The following HERC2 variants were observed in gnomAD, a reference collection of about 807,000 sequenced individuals.
HERC2 encodes the protein HECT and RLD domain containing E3 ubiquitin protein ligase 2.
In HERC2, 102 loss-of-function variants were observed where a neutral mutation model predicts 537.7. That is an observed-to-expected ratio of 0.19 (90% CI 0.16 to 0.22). The LOEUF is 0.22. Ranked by LOEUF, HERC2 falls within the 10% of genes least tolerant of loss-of-function variation. The pLI, the probability that HERC2 is intolerant of heterozygous loss-of-function variation, is 1.00. For missense variants in HERC2, 4,236 were observed against 6,198.2 expected (o/e 0.68, Z 10.63); for synonymous variants, 2,224 against 2,466.2 (o/e 0.90, Z 2.91).
At chr15:28,143,049 T>A in intron 74 of HERC2, 97 bp from the exon 75 acceptor site, 1 of 1,119,086 alleles carries the variant, frequency 8.9e-7, no homozygotes, top group Non-Finnish European at 1.2e-6. Context: ...ATGTTGGTAC[T>A]AACTCTTCTA....
At chr15:28,214,857 T>A in intron 39 of HERC2, 55 bp from the exon 40 acceptor site, 1 of 1,365,864 alleles carries the variant, frequency 7.3e-7, no homozygotes, top group Non-Finnish European at 1.0e-6. Flanking sequence ...ATGAGGAAAC[T>A]ACAGATTGTT....
At chr15:28,259,807 A>G (rs1270135534) in intron 16 of HERC2, among the ~76,000 whole-genome samples, 1 of 151,466 alleles carries the variant, frequency 6.6e-6, no homozygotes, top group East Asian at 2.0e-4. Context: ...AGAAAAAAAA[A>G]AAATACAAAA....
At chr15:28,306,850 T>C in intron 2 of HERC2, among the ~76,000 whole-genome samples, 1 of 152,210 alleles carries the variant, frequency 6.6e-6, no homozygotes, top group Non-Finnish European at 1.5e-5. Flanking sequence ...CCTTCTTTTT[T>C]TGAAGACACA....
intron 52 of HERC2, among the ~76,000 whole-genome samples, chr15:28,192,906 A>C (rs1357961478): frequency 6.6e-6 from 1 of 151,146 alleles, no homozygotes; most frequent in South Asian, 2.2e-4. Context: ...GTCAGAGTGA[A>C]CTATGAAGGG....
rs184647895 is a variant in HERC2 at position 28,192,083 on chromosome 15, T to C, written c.8329A>G (p.Met2777Val). Residue 2777 changes from methionine (M) to valine (V), a missense_variant, in exon 53 of 93, where the codon ATG becomes GTG. Physicochemically the swap from Met to Val is conservative, Grantham distance 21 (BLOSUM62 1). Around this residue, in one of 27 missense-constraint regions of HERC2, gnomAD observed 606 missense variants for 884.5 expected, o/e 0.69. Transcript: ENST00000261609. ...LKRCHSSQPG[M>V]LLDSWSRMVK... ...ATGCGGGACCAGCTGTCCAGCAGCA[T>C]GCCTGGCTGGCTGCTGTGGCAACGC... The C allele has an allele frequency of 1.1e-4, 175 of 1,613,974 alleles. 3 individuals carry two copies. The East Asian group carries it at 1.9e-3, about 17-fold the overall frequency.
intron 4 of HERC2, among the ~76,000 whole-genome samples, chr15:28,285,348 C>T (rs2076128008): frequency 6.6e-6 from 1 of 152,084 alleles, no homozygotes; most frequent in African/African-American, 2.4e-5. Context: ...AGCATATGTT[C>T]CCTCAAACAA....
chr15:28,268,998 C>A lies in HERC2; in HGVS notation c.1446+250G>T, dbSNP rs183832553. On this transcript the variant is annotated intron_variant, in intron 11 of 92. Transcript: ENST00000261609. The surrounding 1 kb of genome is among the most constrained non-coding windows in gnomAD (Gnocchi z 4.7). ...CTGGCCCCAACGTCAAATGAGTTTA[C>A]ACGTGGAAATGAGTTTACAAACGGG... Among the ~76,000 whole-genome samples the A allele has an allele frequency of 2.2e-3, 338 of 152,338 alleles. 2 individuals are homozygous for A. The highest frequency in any genetic ancestry group is 1.6e-3 in the Non-Finnish European group (108 of 68,034).
In HERC2 at chr15:28,113,089, G is replaced by A. The variant is rs771266660; in HGVS notation, c.14214C>T (p.Gly4738=). The change falls in exon 92 of 93, where the codon GGC becomes GGT. Residue 4738 remains glycine (G), a synonymous_variant. Transcript: ENST00000261609. This position sits in a 1 kb window ranked among gnomAD's most constrained non-coding sequence, Gnocchi z 7.0. ...RLPRTIADFR[G]RDFVIQVLDK... ...AGCCTACCTGGATGACGAAGTCTCG[G>A]CCCCGGAAGTCGGCGATGGTCCTGG... is the stretch of plus-strand genomic sequence containing the variant. 1 of 1,613,400 alleles carries A rather than the reference G, an allele frequency of 6.2e-7. No homozygotes were observed.
intron 56 of HERC2, among the ~76,000 whole-genome samples, chr15:28,183,579 A>T (rs940840553): frequency 6.6e-6 from 1 of 152,172 alleles, no homozygotes; most frequent in African/African-American, 2.4e-5. Flanking sequence ...AGTACACAGG[A>T]CAGTGTTAGA....
intron 86 of HERC2, chr15:28,118,515 A>G (rs1888528201): frequency 6.6e-6 from 1 of 152,258 alleles, no homozygotes; most frequent in African/African-American, 2.4e-5. Flanking sequence ...TAAGTATAAA[A>G]AAGTTTTTAT....
chr15:28,175,182 TC>T (rs1189664566), intron 64 of HERC2, among the ~76,000 whole-genome samples: 5 of 151,896 alleles, frequency 3.3e-5, no homozygotes, highest in Admixed American at 2.6e-4. Context: ...GGATCCCTCC[TC>T]GCCAGTTACC....
chr15:28,245,604 C>G (rs564594214), intron 23 of HERC2, among the ~76,000 whole-genome samples: 27 of 131,086 alleles, frequency 2.1e-4, no homozygotes, highest in Middle Eastern at 7.4e-3. Context: ...CACACACACA[C>G]AGATATATAT....
At chr15:28,199,329 T>G (rs1897670842) in intron 48 of HERC2, among the ~76,000 whole-genome samples, 1 of 152,102 alleles carries the variant, frequency 6.6e-6, no homozygotes, top group Non-Finnish European at 1.5e-5. Context: ...CTGGGTTCAC[T>G]CAAAAGGATT....
intron 35 of HERC2, among the ~76,000 whole-genome samples, chr15:28,227,472 A>G (rs1901323463): frequency 6.6e-6 from 1 of 151,852 alleles, no homozygotes; most frequent in Non-Finnish European, 1.5e-5. Flanking sequence ...AAAAAAGAAA[A>G]AAAAAAAAAA....
chr15:28,290,529 T>C (rs1635167), intron 4 of HERC2, among the ~76,000 whole-genome samples: 148,095 of 152,292 alleles, frequency 0.97, 72,095 homozygotes, highest in Non-Finnish European at 0.99. Flanking sequence ...CACACACAGC[T>C]ACATTCTTAT....
Position 28,229,666 on chromosome 15 carries a change from A to C in HERC2, c.4983+8T>G. ...CAATGCAGAGAAGCATTTCTCATCA[A>C]ATGTTACCTGTTTTAGTAGGCACTT... On this transcript the variant is annotated splice_region_variant and intron_variant, in intron 32 of 92. Coordinates refer to ENST00000261609, the MANE Select transcript of HERC2 (RefSeq NM_004667.6). 6.2e-7 allele frequency: 1 copy of C among 1,611,492 alleles called. No individual in the cohort carries two copies. The highest frequency in any genetic ancestry group is 8.5e-7 in the Non-Finnish European group (1 of 1,179,362).
At chr15:28,297,012 G>A (rs1228306366) in intron 3 of HERC2, among the ~76,000 whole-genome samples, 10 of 152,240 alleles carry the variant, frequency 6.6e-5, no homozygotes, top group Non-Finnish European at 8.8e-5. Context: ...GCGGGCATAC[G>A]CACGAAAGAT....
At chr15:28,314,598 C>G (rs1000452158) in intron 2 of HERC2, among the ~76,000 whole-genome samples, 1 of 151,544 alleles carries the variant, frequency 6.6e-6, no homozygotes, top group Non-Finnish European at 1.5e-5. Context: ...TGGCTCACAC[C>G]TGTCATCTCA....
chr15:28,313,105 G>A (rs1239130457), intron 2 of HERC2, among the ~76,000 whole-genome samples: 12 of 150,684 alleles, frequency 8.0e-5, no homozygotes, highest in South Asian at 4.3e-4. Context: ...CCTGCAGCAC[G>A]GCAGCCAGGG....
Sources: allele counts gnomAD v4.1 joint callset (sites outside exome capture counted in the v4.1 genomes callset), GRCh38; gene constraint gnomAD v4.1.1; regional missense constraint gnomAD v4.1.1; non-coding constraint Gnocchi (gnomAD v3.1); transcripts MANE v1.5; gene names NCBI Gene and HGNC (gene_info 2026-07-23, HGNC 2026-07-21).